TOP2B: variants seen among roughly 807,000 people sequenced by gnomAD.
The protein encoded by TOP2B is DNA topoisomerase II beta, also known as DNA topoisomerase 2-beta.
In TOP2B, 51 loss-of-function variants were observed where a neutral mutation model predicts 193.5. That is an observed-to-expected ratio of 0.26 (90% CI 0.21 to 0.33). TOP2B has a LOEUF of 0.33. TOP2B is among the 10% of genes least tolerant of loss of function. The pLI is 1.00. For missense variants in TOP2B, 1,378 were observed against 1,909.3 expected (o/e 0.72, Z 5.19); for synonymous variants, 634 against 635.7 (o/e 1.00, Z 0.04).
intron 1 of TOP2B, among the ~76,000 whole-genome samples, chr3:25,663,932 G>C (rs1454639511): frequency 2.1e-5 from 3 of 144,048 alleles, no homozygotes; most frequent in Non-Finnish European, 4.5e-5. Flanking sequence ...GGAAGAGTCT[G>C]GTTAAAAAGA....
chr3:25,632,656 T>C (rs368415694), intron 9 of TOP2B, 37 bp downstream of exon 9: 221 of 1,582,522 alleles, frequency 1.4e-4, no homozygotes, highest in Non-Finnish European at 1.6e-4. Context: ...ATAATGCATA[T>C]GTATGCATCA....
At chr3:25,605,185 T>G (rs1179905416) in intron 32 of TOP2B, among the ~76,000 whole-genome samples, 1 of 152,136 alleles carries the variant, frequency 6.6e-6, no homozygotes, top group African/African-American at 2.4e-5. Flanking sequence ...AAATGAGATA[T>G]GAAAATGTCC....
intron 11 of TOP2B, 43 bp downstream of exon 11, chr3:25,630,758 G>A: frequency 6.9e-7 from 1 of 1,449,548 alleles, no homozygotes; most frequent in Non-Finnish European, 9.1e-7. Flanking sequence ...CTAAATAAAA[G>A]TGAAACTTAA....
chr3:25,615,355 C>T (rs1702476423), intron 26 of TOP2B, 67 bp from the exon 27 acceptor site: 5 of 1,550,558 alleles, frequency 3.2e-6, no homozygotes, highest in Non-Finnish European at 4.3e-6. Context: ...AATCAAAATA[C>T]TTATTTTTGG....
intron 20 of TOP2B, 78 bp from the exon 21 acceptor site, chr3:25,623,824 C>A: frequency 1.2e-6 from 1 of 859,232 alleles, no homozygotes. Context: ...TTAAAAACTT[C>A]ACACTGCAAA....
At chr3:25,646,923 T>C (rs888303991) in intron 1 of TOP2B, among the ~76,000 whole-genome samples, 3 of 152,110 alleles carry the variant, frequency 2.0e-5, no homozygotes, top group African/African-American at 7.2e-5. Flanking sequence ...TATTTCAAAA[T>C]AAAAGTATTA....
At chr3:25,615,180 A>C (rs1402452406) in intron 27 of TOP2B, 25 bp downstream of exon 27, 1 of 1,580,726 alleles carries the variant, frequency 6.3e-7, no homozygotes, top group Non-Finnish European at 8.6e-7. Flanking sequence ...TTTTCCAAAT[A>C]AATTTTAATA....
At chr3:25,604,017 T>C (rs1702175167) in intron 33 of TOP2B, among the ~76,000 whole-genome samples, 1 of 152,228 alleles carries the variant, frequency 6.6e-6, no homozygotes, top group African/African-American at 2.4e-5. Context: ...CTCTTGTAAA[T>C]AACCAGTTTC....
intron 27 of TOP2B, 26 bp downstream of exon 27, chr3:25,615,179 T>A: frequency 1.3e-6 from 2 of 1,579,086 alleles, no homozygotes; most frequent in South Asian, 1.2e-5. Context: ...CTTTTCCAAA[T>A]AAATTTTAAT....
chr3:25,663,987 C>G (rs577052782), intron 1 of TOP2B, among the ~76,000 whole-genome samples: 1 of 152,150 alleles, frequency 6.6e-6, no homozygotes, highest in East Asian at 1.9e-4. Context: ...CGGTTTTGTC[C>G]CCCCAAAGTT....
Position 25,664,385 on chromosome 3 carries a change from A to C in TOP2B, c.-88T>G. On this transcript the variant is annotated 5_prime_UTR_variant, in exon 1 of 36. Coordinates refer to ENST00000264331, the MANE Select transcript of TOP2B (RefSeq NM_001330700.2). ...CGCTGGGCCCCGCCGCTCCGCACCCACCGCTCCACTCGCCGCACTCCTAGC... is the reference window on the plus strand; with the variant it reads ...CGCTGGGCCCCGCCGCTCCGCACCCCCCGCTCCACTCGCCGCACTCCTAGC... 1 of 1,344,600 alleles carries C rather than the reference A, an allele frequency of 7.4e-7. No individual in the cohort carries two copies. The highest frequency in any genetic ancestry group is 9.4e-7 in the Non-Finnish European group (1 of 1,058,428). 83.3% of individuals were successfully genotyped at this position (1,344,600 alleles called of 1,614,324 possible). A position where few individuals can be genotyped will look rare whatever the true frequency, so the allele number is the denominator to read the frequency against.
Position 25,598,181 on chromosome 3 carries a change from CAAT to C in TOP2B, c.*123_*125del, listed in dbSNP as rs1301074320. ...GAACAAAATGTTAAAAGGCCTACCA[CAAT>C]AATAAAAAACCGTCAATTACATCAT... On this transcript the variant is annotated 3_prime_UTR_variant, in exon 36 of 36. Transcript: ENST00000264331. 1.2e-5 allele frequency: 12 copies of C among 1,026,936 alleles called. No homozygotes were observed. Among genetic ancestry groups the C allele is most frequent in the Admixed American group, 2.7e-5 (1 of 37,076 alleles). The allele number at this position is 1,026,936 out of a possible 1,614,324, so 63.6% of individuals were successfully genotyped here. A position where few individuals can be genotyped will look rare whatever the true frequency, so the allele number is the denominator to read the frequency against.
intron 6 of TOP2B, 60 bp from the exon 7 acceptor site, chr3:25,636,208 G>A (rs910728661): frequency 7.9e-6 from 8 of 1,014,574 alleles, no homozygotes; most frequent in Non-Finnish European, 1.1e-5. Flanking sequence ...AATATATAAA[G>A]ACTACACTCA....
chr3:25,609,792 AGC>A, intron 28 of TOP2B, 80 bp from the exon 29 acceptor site: 1 of 1,343,050 alleles, frequency 7.4e-7, no homozygotes, highest in Non-Finnish European at 9.7e-7. Context: ...ATCAACAGAT[AGC>A]GCCTTCAAAT....
chr3:25,663,327 A>C (rs1207903669), intron 1 of TOP2B, among the ~76,000 whole-genome samples: 1 of 152,232 alleles, frequency 6.6e-6, no homozygotes, highest in Non-Finnish European at 1.5e-5. Context: ...GACCGTCAAA[A>C]GTCCAGAAAA....
rs1346084884 is a variant in TOP2B, at chr3:25,628,879, T to C, written c.1874A>G (p.Asn625Ser). 2 of 1,589,912 alleles carry C rather than the reference T, an allele frequency of 1.3e-6. No individual in the cohort carries two copies. The highest frequency in any genetic ancestry group is 1.7e-6 in the Non-Finnish European group (2 of 1,171,480). The change falls in exon 15 of 36, where the codon AAC (asparagine) becomes AGC (serine). Residue 625 changes from asparagine (N) to serine (S), a missense_variant. Around this residue, in one of 9 missense-constraint regions of TOP2B, gnomAD observed 379 missense variants for 615.1 expected, o/e 0.62. Transcript: ENST00000264331. ...EFDEWKKHIE[N>S]QKAWKIKYYK... ...GTACTTTATTTTCCAGGCTTTCTGGTTTTCTATATGTTTTTTCCATTCGTC... is the reference window on the plus strand; with the variant it reads ...GTACTTTATTTTCCAGGCTTTCTGGCTTTCTATATGTTTTTTCCATTCGTC...
intron 27 of TOP2B, 46 bp from the exon 28 acceptor site, chr3:25,612,755 A>T: frequency 1.4e-6 from 2 of 1,455,814 alleles, no homozygotes; most frequent in Non-Finnish European, 1.9e-6. Flanking sequence ...AACTTCTTAG[A>T]AAAGATAATC....
intron 34 of TOP2B, among the ~76,000 whole-genome samples, chr3:25,600,352 C>T (rs1412356738): frequency 2.0e-5 from 3 of 152,174 alleles, no homozygotes; most frequent in African/African-American, 7.2e-5. Context: ...CATATTTGAT[C>T]AAATGAATCA....
intron 12 of TOP2B, 66 bp downstream of exon 12, chr3:25,630,246 G>A (rs969731257): frequency 6.6e-7 from 1 of 1,524,898 alleles, no homozygotes; most frequent in Non-Finnish European, 8.8e-7. Flanking sequence ...GTTTAGTAAA[G>A]TATTAGAAAT....
Sources: gnomAD v4.1 joint callset for allele counts (sites outside exome capture counted in the v4.1 genomes callset) on GRCh38, gnomAD v4.1.1 for gene constraint, gnomAD v4.1.1 regional missense constraint, MANE v1.5 for transcripts, NCBI Gene and HGNC (gene_info 2026-07-23, HGNC 2026-07-21) for gene names.